Variants in NINJ2 observed in about 807,000 individuals in gnomAD.
NINJ2 encodes the protein ninjurin-2.
A neutral mutation model predicts 11.7 loss-of-function variants in NINJ2; 12 were observed. The ratio of observed to expected loss-of-function variants is 1.02; its 90% CI spans 0.66 to 1.66. The LOEUF is 1.66. Among genes scored for constraint, NINJ2 ranks in the 40% most tolerant of loss-of-function variants. The pLI is 0.00. For synonymous variants in NINJ2, 93 were observed against 76.8 expected (o/e 1.21, Z -1.10); for missense variants, 187 against 181.8 (o/e 1.03, Z -0.16).
intron 1 of NINJ2, chr12:645,402 A>T (rs529028541): frequency 6.6e-6 from 1 of 152,324 alleles, no homozygotes; most frequent in African/African-American, 2.4e-5. Context: ...CTTAGAAATA[A>T]ATGGTAGCCG....
intron 1 of NINJ2, chr12:643,749 C>G: frequency 1.1e-6 from 1 of 869,722 alleles, no homozygotes; most frequent in Non-Finnish European, 1.4e-6. Flanking sequence ...GCTCCCCCCT[C>G]ACATCATGGG....
intron 1 of NINJ2, among the ~76,000 whole-genome samples, chr12:625,791 A>T (rs1246848845): frequency 2.6e-5 from 4 of 152,218 alleles, no homozygotes; most frequent in Admixed American, 2.6e-4. Flanking sequence ...GTCTATCAAA[A>T]CACTTATTAG....
At chr12:634,425 A>C (rs1482704793) in intron 1 of NINJ2, among the ~76,000 whole-genome samples, 1 of 151,586 alleles carries the variant, frequency 6.6e-6, no homozygotes, top group Non-Finnish European at 1.5e-5. Context: ...ACAGCCGGCT[A>C]ATTTTTTGTA....
chr12:607,537 C>T (rs939210881), intron 1 of NINJ2, among the ~76,000 whole-genome samples: 4 of 152,176 alleles, frequency 2.6e-5, no homozygotes, highest in African/African-American at 9.7e-5. Flanking sequence ...ACTCCAGGAG[C>T]CTGTTGGGTT....
chr12:641,672 G>A (rs1290970150), intron 1 of NINJ2, among the ~76,000 whole-genome samples: 1 of 140,768 alleles, frequency 7.1e-6, no homozygotes, highest in African/African-American at 2.6e-5. Context: ...GTGAAACCCC[G>A]TCTCTACTAA....
At chr12:607,571 G>A (rs977380711) in intron 1 of NINJ2, among the ~76,000 whole-genome samples, 5 of 152,270 alleles carry the variant, frequency 3.3e-5, no homozygotes, top group African/African-American at 1.2e-4. Flanking sequence ...GTTGACATAG[G>A]AAAGCCATTA....
chr12:652,462 G>A (rs571793856), intron 1 of NINJ2, among the ~76,000 whole-genome samples: 8 of 152,294 alleles, frequency 5.3e-5, no homozygotes, highest in African/African-American at 1.7e-4. Context: ...TGGGCATGGT[G>A]GCTCATGTCT....
In NINJ2 at chr12:628,123, A is replaced by T. The variant is rs1948230495; in HGVS notation, c.33+35205T>A. 6.6e-6 allele frequency among the ~76,000 whole-genome samples: 1 copy of T among 152,180 alleles called. No individual in the cohort carries two copies. Among genetic ancestry groups the T allele is most frequent in the South Asian group, 2.1e-4 (1 of 4,832 alleles). On this transcript the variant is annotated intron_variant, in intron 1 of 3. Coordinates refer to ENST00000305108, the MANE Select transcript of NINJ2 (RefSeq NM_016533.6). This position sits in a 1 kb window ranked among gnomAD's most constrained non-coding sequence, Gnocchi z 4.4. ...CAAAGGTCAAGGCTGAGTTTGCCAG[A>T]GCCTGCAGGATCCCTGCACCGCTTT... is the stretch of plus-strand genomic sequence containing the variant.
chr12:575,284 C>A (rs1339693191), intron 1 of NINJ2, among the ~76,000 whole-genome samples: 1 of 152,214 alleles, frequency 6.6e-6, no homozygotes, highest in African/African-American at 2.4e-5. Flanking sequence ...CCCCCACCCA[C>A]CTCTCTAGCC....
At chr12:653,251 A>G (rs572906269) in intron 1 of NINJ2, among the ~76,000 whole-genome samples, 31 of 151,654 alleles carry the variant, frequency 2.0e-4, no homozygotes, top group African/African-American at 7.0e-4. Flanking sequence ...TGATCTCTTG[A>G]CCCGTGATCT....
intron 1 of NINJ2, among the ~76,000 whole-genome samples, chr12:589,985 T>C (rs952464083): frequency 6.6e-6 from 1 of 152,072 alleles, no homozygotes; most frequent in Non-Finnish European, 1.5e-5. Flanking sequence ...TGGAGCGGTG[T>C]GGGGCAGCGG....
chr12:596,198 T>C lies in NINJ2; in HGVS notation c.34-30020A>G, dbSNP rs150486957. ...CTCAAAACTTACGTTCACACAAAAATCTGCACATGGATGTTTACGGAAGCT... is the reference window on the plus strand; with the variant it reads ...CTCAAAACTTACGTTCACACAAAAACCTGCACATGGATGTTTACGGAAGCT... On this transcript the variant is annotated intron_variant, in intron 1 of 3. Transcript: ENST00000305108. 6.0e-3 allele frequency among the ~76,000 whole-genome samples: 908 copies of C among 152,286 alleles called. 4 individuals carry two copies. The highest frequency in any genetic ancestry group is 0.02 in the Middle Eastern group (6 of 294).
In NINJ2 at chr12:623,177, G is replaced by T. The variant is rs117691196; in HGVS notation, c.33+40151C>A. On this transcript the variant is annotated intron_variant, in intron 1 of 3. Transcript: ENST00000305108. Reference sequence around the variant, plus strand: ...GCAAGGTGAATGGAAGCAAGATAGGGGCTCAGGAACAGAGTCCATCTGAGA... The same window carrying T: ...GCAAGGTGAATGGAAGCAAGATAGGTGCTCAGGAACAGAGTCCATCTGAGA... Among the ~76,000 whole-genome samples, 648 of 152,288 alleles carry T rather than the reference G, an allele frequency of 4.3e-3. 32 individuals carry two copies. In the East Asian group the frequency reaches 0.1, roughly 25 times the overall value.
rs369452989 is a variant in NINJ2, at chr12:581,413, G to A, written c.34-15235C>T. On this transcript the variant is annotated intron_variant, in intron 1 of 3. Coordinates refer to ENST00000305108, the MANE Select transcript of NINJ2 (RefSeq NM_016533.6). The surrounding 1 kb of genome is among the most constrained non-coding windows in gnomAD (Gnocchi z 4.9). ...TGGTGGGCCAGCCTGAATCTGCTGC[G>A]CCTGCCAGCTTCAGCCAATCCAAGG... Among the ~76,000 whole-genome samples the A allele has an allele frequency of 1.5e-3, 225 of 152,236 alleles. 2 individuals are homozygous for A. Among genetic ancestry groups the A allele is most frequent in the African/African-American group, 5.3e-3 (219 of 41,524 alleles).
intron 1 of NINJ2, among the ~76,000 whole-genome samples, chr12:600,238 G>T (rs991257812): frequency 1.3e-5 from 2 of 152,198 alleles, no homozygotes; most frequent in Admixed American, 6.5e-5. Context: ...GATAACGAGG[G>T]AAATGGAGCT....
Position 653,728 on chromosome 12 carries a change from G to A in NINJ2, c.33+9600C>T, listed in dbSNP as rs1244277663. Among the ~76,000 whole-genome samples the A allele has an allele frequency of 4.6e-5, 7 of 152,026 alleles. No homozygotes were observed. In the East Asian group the frequency reaches 1.2e-3, roughly 25 times the overall value. On this transcript the variant is annotated intron_variant, in intron 1 of 3. Transcript: ENST00000305108. The stretch of plus-strand genomic sequence containing the variant: ...AGTGGAAGACAAAAATAGGAGCAAA[G>A]AATGAGGGTAACAAATAGAAAAACA...
intron 1 of NINJ2, among the ~76,000 whole-genome samples, chr12:569,681 G>A (rs899649792): frequency 3.3e-5 from 5 of 152,186 alleles, no homozygotes; most frequent in African/African-American, 1.2e-4. Flanking sequence ...GAGTACACGG[G>A]CAGCACGGAG....
chr12:595,396 A>C (rs1947771261), intron 1 of NINJ2, among the ~76,000 whole-genome samples: 1 of 152,322 alleles, frequency 6.6e-6, no homozygotes, highest in East Asian at 1.9e-4. Flanking sequence ...GATAAACTGG[A>C]CTTTATTAAA....
intron 1 of NINJ2, among the ~76,000 whole-genome samples, chr12:584,287 C>A (rs1364347080): frequency 6.6e-6 from 1 of 152,196 alleles, no homozygotes; most frequent in Non-Finnish European, 1.5e-5. Flanking sequence ...CACCTTTAAT[C>A]CCAGCACTTA....
Sources: gnomAD v4.1 joint callset for allele counts (sites outside exome capture counted in the v4.1 genomes callset) on GRCh38, gnomAD v4.1.1 for gene constraint, Gnocchi (gnomAD v3.1) non-coding constraint, MANE v1.5 for transcripts, NCBI Gene and HGNC (gene_info 2026-07-23, HGNC 2026-07-21) for gene names.